Variants in ABL1 observed in about 807,000 individuals in gnomAD.
ABL1 encodes the protein ABL proto-oncogene 1, non-receptor tyrosine kinase.
Under a neutral mutation model 94.7 loss-of-function variants are expected in ABL1, and 11 were observed. That is an observed-to-expected ratio of 0.12 (90% CI 0.07 to 0.19). The LOEUF (loss-of-function observed/expected upper bound fraction) is 0.19. ABL1 is among the 10% of genes least tolerant of loss of function. The pLI, the probability that ABL1 is intolerant of heterozygous loss-of-function variation, is 1.00. For missense variants in ABL1, 1,082 were observed against 1,489.4 expected, an observed-to-expected ratio of 0.73 and a Z score of 4.50; for synonymous variants, 656 against 622.4, an observed-to-expected ratio of 1.05 and a Z score of -0.80.
At chr9:130,784,965 G>A (rs1248704984) in intron 1 of ABL1, among the ~76,000 whole-genome samples, 2 of 152,202 alleles carry the variant, frequency 1.3e-5, no homozygotes, top group Non-Finnish European at 2.9e-5. Context: ...AGGAAGTGGG[G>A]CAAAAGCCCC....
At chr9:130,781,386 G>A (rs1178775576) in intron 1 of ABL1, among the ~76,000 whole-genome samples, 1 of 152,130 alleles carries the variant, frequency 6.6e-6, no homozygotes, top group Non-Finnish European at 1.5e-5. Context: ...AGGCACACAC[G>A]CACTCTTAGC....
intron 1 of ABL1, among the ~76,000 whole-genome samples, chr9:130,763,068 C>A (rs1433056734): frequency 2.0e-5 from 3 of 152,188 alleles, no homozygotes; most frequent in African/African-American, 7.2e-5. Flanking sequence ...AGCATCGCTT[C>A]ATGTATCATT....
Position 130,886,803 on chromosome 9 carries a change from G to A in ABL1, c.*1120G>A. The A allele has an allele frequency of 4.3e-6, 1 of 233,424 alleles. No individual in the cohort carries two copies. Among genetic ancestry groups the A allele is most frequent in the Non-Finnish European group, 8.5e-6 (1 of 117,898 alleles). The allele number at this position is 233,424 out of a possible 1,614,324, so 14.5% of individuals were successfully genotyped here. A position where few individuals can be genotyped will look rare whatever the true frequency, so the allele number is the denominator to read the frequency against. On this transcript the variant is annotated 3_prime_UTR_variant, in exon 11 of 11. Transcript: ENST00000318560. ...TGTAGCCGCCCTGAGAGAGAATAGAGCTGCCACTGGGCACCTGCGCACAGG... is the reference window on the plus strand; with the variant it reads ...TGTAGCCGCCCTGAGAGAGAATAGAACTGCCACTGGGCACCTGCGCACAGG...
chr9:130,748,751 ATTT>A (rs1007759670), intron 1 of ABL1, among the ~76,000 whole-genome samples: 32 of 151,916 alleles, frequency 2.1e-4, no homozygotes, highest in African/African-American at 7.7e-4. Context: ...TAATTTTTGT[ATTT>A]TTAGTGGAGA....
exon 1 of ABL1, among the ~76,000 whole-genome samples, chr9:130,713,232 G>A (rs901374454): frequency 1.1e-4 from 16 of 152,142 alleles, no homozygotes; most frequent in African/African-American, 3.9e-4. Flanking sequence ...TCAGCGTCCG[G>A]GGCCGGGGGA....
In ABL1 at chr9:130,855,743, A is replaced by G. The variant is rs189484646; in HGVS notation, c.549+647A>G. The stretch of plus-strand genomic sequence containing the variant: ...GGGAGGAGTTAACATTGACTGAGGT[A>G]TTGCTATAATACCTGCATCTTTGCA... On this transcript the variant is annotated intron_variant, in intron 3 of 10. Coordinates refer to ENST00000318560, the MANE Select transcript of ABL1 (RefSeq NM_005157.6). Among the ~76,000 whole-genome samples, 21 of 152,308 alleles carry G rather than the reference A, an allele frequency of 1.4e-4. No homozygotes were observed. The East Asian group carries it at 3.3e-3, about 24-fold the overall frequency.
chr9:130,836,032 GCAT>G (rs1284473055), intron 1 of ABL1, among the ~76,000 whole-genome samples: 2 of 152,256 alleles, frequency 1.3e-5, no homozygotes, highest in East Asian at 1.9e-4. Flanking sequence ...TTTCCATTAA[GCAT>G]CATGTACACA....
chr9:130,879,156 C>T (rs1030118619), intron 8 of ABL1, among the ~76,000 whole-genome samples: 4 of 152,202 alleles, frequency 2.6e-5, no homozygotes, highest in Non-Finnish European at 5.9e-5. Flanking sequence ...CGATTACAGG[C>T]GTGAGCCACC....
rs929558694 is a variant in ABL1, at chr9:130,851,189, A to T, written c.80-2875A>T. The stretch of plus-strand genomic sequence containing the variant: ...ATCACATATTTTAATAAAATTGATA[A>T]TCCCTAATAGTGATGGCGCTAGGTG... On this transcript the variant is annotated intron_variant, in intron 1 of 10. Transcript: ENST00000318560. Among the ~76,000 whole-genome samples, 7 of 152,228 alleles carry T rather than the reference A, an allele frequency of 4.6e-5. No individual in the cohort carries two copies. In the East Asian group the frequency reaches 7.7e-4, roughly 17 times the overall value.
At chr9:130,725,843 T>G (rs796154068) in intron 1 of ABL1, among the ~76,000 whole-genome samples, 12 of 130,566 alleles carry the variant, frequency 9.2e-5, no homozygotes, top group East Asian at 4.4e-4. Flanking sequence ...TTTTTTTTTT[T>G]TTTTTTTTGA....
chr9:130,881,167 G>A (rs1317651403), intron 10 of ABL1, among the ~76,000 whole-genome samples: 1 of 152,164 alleles, frequency 6.6e-6, no homozygotes, highest in Middle Eastern at 3.2e-3. Flanking sequence ...AGGGAGTTGG[G>A]ATCAGCTCAG....
intron 4 of ABL1, among the ~76,000 whole-genome samples, chr9:130,870,432 C>A (rs1419317800): frequency 2.0e-5 from 3 of 152,216 alleles, no homozygotes; most frequent in African/African-American, 7.2e-5. Context: ...ACCCCACTTG[C>A]TTCGAAAGCT....
At chr9:130,834,192 G>A, upstream of ABL1, 3 of 424,234 alleles carry the variant, frequency 7.1e-6, no homozygotes, top group South Asian at 5.0e-5. Flanking sequence ...AGTTAATGAA[G>A]GTAACATGGC....
chr9:130,850,809 A>G (rs1245041913), intron 1 of ABL1, among the ~76,000 whole-genome samples: 2 of 152,184 alleles, frequency 1.3e-5, no homozygotes, highest in Non-Finnish European at 2.9e-5. Flanking sequence ...ACCCAGCCCC[A>G]CATACCTACA....
intron 1 of ABL1, among the ~76,000 whole-genome samples, chr9:130,779,349 G>T (rs1343751167): frequency 7.9e-5 from 12 of 152,240 alleles, no homozygotes; most frequent in Non-Finnish European, 1.6e-4. Context: ...TTTAATAACA[G>T]TCATCGTTCA....
intron 1 of ABL1, among the ~76,000 whole-genome samples, chr9:130,750,189 ATACATATATATATATATATATATAT>A (rs1831938174): frequency 1.4e-5 from 1 of 69,814 alleles, no homozygotes; most frequent in African/African-American, 9.1e-5. Context: ...GAAAAAAAAA[ATACATATATATATATATATATATAT>A]ATATATATAT....
At position 130,728,230 on chromosome 9, in the gene ABL1, AT is replaced by A. The variant is rs55915035; in HGVS notation, c.136+13793del. 1.2e-3 allele frequency among the ~76,000 whole-genome samples: 123 copies of A among 102,558 alleles called. 5 individuals carry two copies. The highest frequency in any genetic ancestry group is 3.3e-3 in the African/African-American group (62 of 19,036). The allele number at this position is 102,558 out of a possible 152,430, so 67.3% of individuals were successfully genotyped here. ...GGGCATGCGCCACCATGTCCAGCTG[AT>A]TTTTTTTTTTTTTTTTTGTGGAGAC... On this transcript the variant is annotated intron_variant, in intron 1 of 10. Transcript: ENST00000372348.
At chr9:130,736,568 C>T (rs1056166843) in intron 1 of ABL1, among the ~76,000 whole-genome samples, 4 of 151,340 alleles carry the variant, frequency 2.6e-5, no homozygotes, top group Non-Finnish European at 4.4e-5. Context: ...TCGGCCCCAC[C>T]GCAACCTCCG....
At chr9:130,848,480 T>G (rs1830808506) in intron 1 of ABL1, among the ~76,000 whole-genome samples, 1 of 144,886 alleles carries the variant, frequency 6.9e-6, no homozygotes, top group Admixed American at 7.0e-5. Flanking sequence ...ATCGCACCAC[T>G]GCACTTCAGC....
Sources: allele counts gnomAD v4.1 joint callset (sites outside exome capture counted in the v4.1 genomes callset), GRCh38; gene constraint gnomAD v4.1.1; transcripts MANE v1.5; gene names NCBI Gene and HGNC (gene_info 2026-07-23, HGNC 2026-07-21).